STXBP5: variants seen among roughly 807,000 people sequenced by gnomAD.
STXBP5 encodes the protein syntaxin binding protein 5.
Under a neutral mutation model 152.4 loss-of-function variants are expected in STXBP5, and 50 were observed. The ratio of observed to expected loss-of-function variants is 0.33; its 90% CI spans 0.26 to 0.42. STXBP5 has a LOEUF of 0.42. Ranked by LOEUF, STXBP5 falls within the 10% of genes least tolerant of loss-of-function variation. The pLI, the probability that STXBP5 is intolerant of heterozygous loss-of-function variation, is 1.00. For missense variants in STXBP5, 1,167 were observed against 1,388.6 expected, an observed-to-expected ratio of 0.84 and a Z score of 2.54; for synonymous variants, 492 against 494.7, an observed-to-expected ratio of 0.99 and a Z score of 0.07.
chr6:147,255,530 T>TG (rs202050379), intron 4 of STXBP5, among the ~76,000 whole-genome samples: 5 of 151,640 alleles, frequency 3.3e-5, no homozygotes, highest in South Asian at 2.1e-4. Context: ...TTGTTGTTGT[T>TG]TTTTGTTTAA....
intron 2 of STXBP5, among the ~76,000 whole-genome samples, chr6:147,210,424 C>G (rs1478296310): frequency 6.6e-6 from 1 of 151,926 alleles, no homozygotes; most frequent in Non-Finnish European, 1.5e-5. Flanking sequence ...TTGGTGATTT[C>G]CAGAATTTTG....
At chr6:147,329,770 C>T (rs960676695) in intron 18 of STXBP5, among the ~76,000 whole-genome samples, 2 of 151,810 alleles carry the variant, frequency 1.3e-5, no homozygotes, top group Non-Finnish European at 2.9e-5. Flanking sequence ...GGACTACAGG[C>T]GCCCGCTACC....
intron 15 of STXBP5, among the ~76,000 whole-genome samples, chr6:147,315,998 C>T (rs578057435): frequency 8.5e-5 from 13 of 152,152 alleles, no homozygotes; most frequent in Admixed American, 7.2e-4. Flanking sequence ...GATATTAACA[C>T]GAGTACCATA....
intron 6 of STXBP5, among the ~76,000 whole-genome samples, chr6:147,263,362 A>T (rs866392333): frequency 0.043 from 3,327 of 77,174 alleles, 90 homozygotes; most frequent in African/African-American, 0.13. Context: ...TTTTTTTTTT[A>T]AATTTTTTAA....
intron 26 of STXBP5, among the ~76,000 whole-genome samples, chr6:147,375,547 C>G (rs1785768380): frequency 6.6e-6 from 1 of 151,382 alleles, no homozygotes; most frequent in African/African-American, 2.4e-5. Flanking sequence ...AAAGAAGTTG[C>G]TGTGAGAAGA....
chr6:147,272,958 C>G (rs756690628), intron 7 of STXBP5, among the ~76,000 whole-genome samples: 6 of 151,942 alleles, frequency 3.9e-5, no homozygotes, highest in Non-Finnish European at 8.8e-5. Flanking sequence ...GGATAGCATT[C>G]TTAATATTTT....
At chr6:147,319,783 T>G (rs9497746) in intron 16 of STXBP5, among the ~76,000 whole-genome samples, 2,484 of 150,360 alleles carry the variant, frequency 0.017, 57 homozygotes, top group African/African-American at 0.056. Flanking sequence ...TACTAGAATC[T>G]ACGAAGGAGC....
chr6:147,334,029 G>A, intron 18 of STXBP5, 128 bp from the exon 19 acceptor site: 1 of 821,376 alleles, frequency 1.2e-6, no homozygotes, highest in Non-Finnish European at 1.9e-6. Context: ...CATGGTATCA[G>A]TACCACAGTC....
At chr6:147,231,021 A>G (rs1393695614) in intron 2 of STXBP5, among the ~76,000 whole-genome samples, 2 of 151,764 alleles carry the variant, frequency 1.3e-5, no homozygotes, top group Non-Finnish European at 3.0e-5. Context: ...TTCTCAACCA[A>G]TCAACCAGAA....
intron 6 of STXBP5, among the ~76,000 whole-genome samples, chr6:147,265,482 T>C (rs1331714151): frequency 1.3e-5 from 2 of 152,124 alleles, no homozygotes; most frequent in Non-Finnish European, 2.9e-5. Context: ...AAATGCATGG[T>C]ACTAGTTTAA....
At chr6:147,253,850 G>A (rs191537123) in intron 4 of STXBP5, among the ~76,000 whole-genome samples, 40 of 152,210 alleles carry the variant, frequency 2.6e-4, no homozygotes, top group Admixed American at 2.0e-3. Flanking sequence ...AATCAATATC[G>A]TGAAAATGGC....
intron 2 of STXBP5, among the ~76,000 whole-genome samples, chr6:147,233,933 T>C (rs1283843944): frequency 1.3e-5 from 2 of 150,640 alleles, no homozygotes. Context: ...AAGAGTAGGA[T>C]ACTATGAGCT....
At chr6:147,251,597 C>T (rs2115283297) in intron 4 of STXBP5, among the ~76,000 whole-genome samples, 1 of 152,268 alleles carries the variant, frequency 6.6e-6, no homozygotes, top group Admixed American at 6.5e-5. Flanking sequence ...CAGTCAGTGG[C>T]TTATAGATGA....
chr6:147,382,031 A>G (rs1216736254), intron 26 of STXBP5, among the ~76,000 whole-genome samples: 4 of 152,140 alleles, frequency 2.6e-5, no homozygotes, highest in African/African-American at 9.7e-5. Context: ...ATGTTGTGGT[A>G]TACGAGTTAT....
At chr6:147,268,682 T>C (rs529875903) in intron 7 of STXBP5, among the ~76,000 whole-genome samples, 52 of 152,326 alleles carry the variant, frequency 3.4e-4, no homozygotes, top group Non-Finnish European at 6.0e-4. Context: ...TTTTAAAAAT[T>C]GAACATTTTG....
At chr6:147,319,371 A>G (rs1782799513) in intron 16 of STXBP5, among the ~76,000 whole-genome samples, 1 of 152,206 alleles carries the variant, frequency 6.6e-6, no homozygotes, top group Admixed American at 6.5e-5. Flanking sequence ...AAATTGTAGT[A>G]TTAAAATTAC....
intron 9 of STXBP5, among the ~76,000 whole-genome samples, chr6:147,309,516 G>T (rs187836617): frequency 1.3e-5 from 2 of 152,268 alleles, no homozygotes; most frequent in East Asian, 3.9e-4. Context: ...GGGCTAATTA[G>T]AATTATCAGG....
intron 9 of STXBP5, among the ~76,000 whole-genome samples, chr6:147,305,534 C>G (rs1264530590): frequency 6.6e-6 from 1 of 152,062 alleles, no homozygotes; most frequent in Admixed American, 6.6e-5. Context: ...GCATATGAAC[C>G]TATTTTAATT....
At chr6:147,375,636 T>C (rs1047361296) in intron 26 of STXBP5, among the ~76,000 whole-genome samples, 2 of 150,504 alleles carry the variant, frequency 1.3e-5, no homozygotes, top group African/African-American at 2.4e-5. Context: ...AATATAAATA[T>C]ATATATAAAG....
Sources: allele counts gnomAD v4.1 joint callset (sites outside exome capture counted in the v4.1 genomes callset), GRCh38; gene constraint gnomAD v4.1.1; transcripts MANE v1.5; gene names NCBI Gene and HGNC (gene_info 2026-07-23, HGNC 2026-07-21).